The following CACNG4 variants were observed in gnomAD, a reference collection of about 807,000 sequenced individuals.
CACNG4 encodes voltage-dependent calcium channel gamma-4 subunit.
In CACNG4, 8 loss-of-function variants were observed where a neutral mutation model predicts 22.9. That is an observed-to-expected ratio of 0.35 (90% CI 0.21 to 0.63). The LOEUF (loss-of-function observed/expected upper bound fraction) is 0.63. Ranked by LOEUF, CACNG4 falls within the 30% of genes least tolerant of loss-of-function variation. CACNG4 has a pLI of 0.72. For synonymous variants in CACNG4, 188 were observed against 191.9 expected (o/e 0.98, Z 0.17); for missense variants, 357 against 455.4 (o/e 0.78, Z 1.97).
intron 1 of CACNG4, among the ~76,000 whole-genome samples, chr17:66,977,285 C>T (rs1158719809): frequency 6.6e-6 from 1 of 152,192 alleles, no homozygotes; most frequent in Non-Finnish European, 1.5e-5. Context: ...CAGGCTCATT[C>T]CCTGATACCT....
At chr17:67,025,728 G>A (rs897503912) in intron 3 of CACNG4, among the ~76,000 whole-genome samples, 10 of 152,264 alleles carry the variant, frequency 6.6e-5, no homozygotes, top group South Asian at 2.1e-4. Flanking sequence ...CAGGCCTGGC[G>A]TGGTGCCGCA....
chr17:67,022,746 A>G (rs991541412), intron 2 of CACNG4, among the ~76,000 whole-genome samples: 1 of 152,216 alleles, frequency 6.6e-6, no homozygotes, highest in Non-Finnish European at 1.5e-5. Flanking sequence ...CGAGATTTCT[A>G]CGGGGCTGGG....
chr17:67,022,083 T>TTG (rs2035535511), intron 2 of CACNG4, among the ~76,000 whole-genome samples: 1 of 151,468 alleles, frequency 6.6e-6, no homozygotes, highest in Admixed American at 6.6e-5. Flanking sequence ...GGGCTTTTTT[T>TTG]TTTTTTTTTT....
chr17:67,018,363 GA>G (rs1486398358), intron 2 of CACNG4, 91 bp downstream of exon 2: 1 of 890,084 alleles, frequency 1.1e-6, no homozygotes, highest in Non-Finnish European at 1.9e-6. Context: ...TGGGCATGGA[GA>G]GGGTGATTGT....
In CACNG4 at chr17:67,032,109, T is replaced by C; in HGVS notation, c.*1105T>C. On this transcript the variant is annotated 3_prime_UTR_variant, in exon 4 of 4. Coordinates refer to ENST00000262138, the MANE Select transcript of CACNG4 (RefSeq NM_014405.4). ...AAGTAGCAGCAACTGGCCCCACAACTCCTGTCATTGTAAGTTATTCTGCCA... is the reference window on the plus strand; with the variant it reads ...AAGTAGCAGCAACTGGCCCCACAACCCCTGTCATTGTAAGTTATTCTGCCA... The C allele has an allele frequency of 2.5e-6, 1 of 400,924 alleles. No individual in the cohort carries two copies. The highest frequency in any genetic ancestry group is 4.9e-6 in the Non-Finnish European group (1 of 202,162). 24.8% of individuals were successfully genotyped at this position (400,924 alleles called of 1,614,324 possible). A position where few individuals can be genotyped will look rare whatever the true frequency, so the allele number is the denominator to read the frequency against.
intron 1 of CACNG4, among the ~76,000 whole-genome samples, chr17:66,996,029 A>G (rs964492647): frequency 6.6e-5 from 10 of 152,036 alleles, no homozygotes; most frequent in African/African-American, 2.2e-4. Context: ...GGCCCGTTGG[A>G]TTCGCCTCTA....
At position 66,984,317 on chromosome 17, in the gene CACNG4, G is replaced by A. The variant is rs994242933; in HGVS notation, c.220+19186G>A. On this transcript the variant is annotated intron_variant, in intron 1 of 3. Transcript: ENST00000262138. This position sits in a 1 kb window ranked among gnomAD's most constrained non-coding sequence, Gnocchi z 4.0. ...GATTGCCTGAGCCCTGGAGTTTGAG[G>A]CTGCAGTGAGCCACCACTGCACTCC... is the stretch of plus-strand genomic sequence containing the variant. Among the ~76,000 whole-genome samples the A allele has an allele frequency of 2.6e-5, 4 of 152,272 alleles. No homozygotes were observed. The highest frequency in any genetic ancestry group is 9.6e-5 in the African/African-American group (4 of 41,542).
intron 1 of CACNG4, among the ~76,000 whole-genome samples, chr17:66,985,393 T>C (rs1409359964): frequency 6.6e-6 from 1 of 152,156 alleles, no homozygotes; most frequent in African/African-American, 2.4e-5. Flanking sequence ...AATTCAGTAA[T>C]GAGTCTATTG....
At position 67,002,618 on chromosome 17, in the gene CACNG4, T is replaced by TTCTCTCTCTCTCTCTCTCTCTC. The variant is rs58727233; in HGVS notation, c.221-15564_221-15543dup. Among the ~76,000 whole-genome samples the TTCTCTCTCTCTCTCTCTCTCTC allele has an allele frequency of 1.1e-3, 157 of 145,524 alleles. 1 individual carries two copies. In the East Asian group the frequency reaches 0.02, roughly 18 times the overall value. On this transcript the variant is annotated intron_variant, in intron 1 of 3. Transcript: ENST00000262138. The stretch of plus-strand genomic sequence containing the variant: ...CTCTCTCCACCTCTCATCTCTCTCT[T>TTCTCTCTCTCTCTCTCTCTCTC]TCTCTCTCTCTCTCTCTCTCTCTCT...
chr17:67,029,645 C>CAAAT (rs1269566035), intron 3 of CACNG4, among the ~76,000 whole-genome samples: 1 of 151,890 alleles, frequency 6.6e-6, no homozygotes, highest in Non-Finnish European at 1.5e-5. Context: ...AAAAAACAAA[C>CAAAT]AAACAAACAA....
chr17:67,003,199 A>C (rs908600803), intron 1 of CACNG4, among the ~76,000 whole-genome samples: 4 of 152,012 alleles, frequency 2.6e-5, no homozygotes, highest in Non-Finnish European at 5.9e-5. Context: ...ACAATTGTTT[A>C]ATCCCCCAAA....
At chr17:66,987,548 A>AT (rs2035312195) in intron 1 of CACNG4, among the ~76,000 whole-genome samples, 1 of 152,188 alleles carries the variant, frequency 6.6e-6, no homozygotes, top group African/African-American at 2.4e-5. Flanking sequence ...CTGAGAAGCC[A>AT]AACAGGAGAA....
intron 1 of CACNG4, among the ~76,000 whole-genome samples, chr17:67,000,877 C>T (rs1003906645): frequency 2.0e-5 from 3 of 152,202 alleles, no homozygotes; most frequent in Admixed American, 6.5e-5. Flanking sequence ...CCTGCCTCCA[C>T]TCTGTCCTCC....
At chr17:66,999,828 C>T (rs1472429898) in intron 1 of CACNG4, among the ~76,000 whole-genome samples, 1 of 152,186 alleles carries the variant, frequency 6.6e-6, no homozygotes, top group Non-Finnish European at 1.5e-5. Flanking sequence ...AAAGCCAGAG[C>T]AACTGTGATC....
chr17:66,979,725 C>T (rs1374006708), intron 1 of CACNG4, among the ~76,000 whole-genome samples: 2 of 147,364 alleles, frequency 1.4e-5, no homozygotes, highest in African/African-American at 2.5e-5. Context: ...TTGACACGGC[C>T]GGTGTTTGTT....
At chr17:67,007,516 T>C (rs2035444757) in intron 1 of CACNG4, among the ~76,000 whole-genome samples, 1 of 152,110 alleles carries the variant, frequency 6.6e-6, no homozygotes, top group Non-Finnish European at 1.5e-5. Context: ...ACTTGAGATA[T>C]GAAAGGTTGT....
chr17:66,979,059 T>C (rs2035255385), intron 1 of CACNG4, among the ~76,000 whole-genome samples: 1 of 144,000 alleles, frequency 6.9e-6, no homozygotes, highest in African/African-American at 2.9e-5. Context: ...TGGTTTCTGA[T>C]GTGTCTCCAG....
chr17:66,994,945 T>C (rs713572), intron 1 of CACNG4, among the ~76,000 whole-genome samples: 74,579 of 151,922 alleles, frequency 0.49, 20,464 homozygotes, highest in African/African-American at 0.75. Context: ...AATCTATGGC[T>C]GTGGGATGCA....
intron 1 of CACNG4, among the ~76,000 whole-genome samples, chr17:67,010,071 C>T (rs1020130886): frequency 3.9e-5 from 6 of 152,080 alleles, no homozygotes; most frequent in Admixed American, 1.3e-4. Flanking sequence ...ACCTTTGCCC[C>T]GACTGCCCCC....
Sources: allele counts gnomAD v4.1 joint callset (sites outside exome capture counted in the v4.1 genomes callset), GRCh38; gene constraint gnomAD v4.1.1; non-coding constraint Gnocchi (gnomAD v3.1); transcripts MANE v1.5; gene names NCBI Gene and HGNC (gene_info 2026-07-23, HGNC 2026-07-21).